DCAF17: variants seen among roughly 807,000 people sequenced by gnomAD.
DCAF17 encodes the protein DDB1 and CUL4 associated factor 17.
A neutral mutation model predicts 66.0 loss-of-function variants in DCAF17; 48 were observed. The ratio of observed to expected loss-of-function variants is 0.73; its 90% CI spans 0.58 to 0.92. The LOEUF is 0.92. DCAF17 is among the 40% of genes least tolerant of loss of function. DCAF17 has a pLI of 0.00. For missense variants in DCAF17, 562 were observed against 622.8 expected (o/e 0.90, Z 1.04); for synonymous variants, 206 against 214.6 (o/e 0.96, Z 0.35).
chr2:171,439,009 A>T (rs1032094532), intron 2 of DCAF17, among the ~76,000 whole-genome samples: 2 of 151,994 alleles, frequency 1.3e-5, no homozygotes, highest in Non-Finnish European at 2.9e-5. Flanking sequence ...GATTACAGAC[A>T]CGAGCCACCA....
chr2:171,452,100 G>T lies in DCAF17; in HGVS notation c.538-1024G>T, dbSNP rs1476111. 3.3e-5 allele frequency among the ~76,000 whole-genome samples: 5 copies of T among 151,884 alleles called. No individual in the cohort carries two copies. In the East Asian group the frequency reaches 7.7e-4, roughly 24 times the overall value. ...TAGTTCAATAAAAATTTATCCCTTT[G>T]GAAGGGAGAATCTTTTGGGCTTTAA... On this transcript the variant is annotated intron_variant, in intron 5 of 13. Coordinates refer to ENST00000375255, the MANE Select transcript of DCAF17 (RefSeq NM_025000.4).
Position 171,480,170 on chromosome 2 carries a change from C to T in DCAF17, c.1399C>T (p.Pro467Ser). Residue 467 changes from proline (P) to serine (S), a missense_variant, in exon 13 of 14, where the codon CCA becomes TCA. By Grantham distance (74) the Pro-to-Ser change is moderately conservative (BLOSUM62 -1). Transcript: ENST00000375255. ...NEYGTLLKSI[P>S]LVESWDVTYS... is the part of the protein sequence containing the mutation. ...ATATGGAACTTTACTTAAAAGCATT[C>T]CACTAGTGGAGTCATGGGATGTGGT... 2 of 1,613,542 alleles carry T rather than the reference C, an allele frequency of 1.2e-6. No individual in the cohort carries two copies. Among genetic ancestry groups the T allele is most frequent in the Non-Finnish European group, 1.7e-6 (2 of 1,179,694 alleles).
In DCAF17 at chr2:171,449,883, TTGAGC is replaced by T; in HGVS notation, c.466_470del (p.Ser156GlyfsTer10). The T allele has an allele frequency of 6.2e-7, 1 of 1,613,048 alleles. No homozygotes were observed. On this transcript the variant is annotated frameshift_variant, in exon 5 of 14. Coordinates refer to ENST00000375255, the MANE Select transcript of DCAF17 (RefSeq NM_025000.4). LOFTEE classifies it high-confidence loss of function. ...TTCTCTTCATTCTTTTAAAAGATACTTGAGCTGGGACACTCCTCAAGAAGTCATTG... is the reference window on the plus strand; with the variant it reads ...TTCTCTTCATTCTTTTAAAAGATACTTGGGACACTCCTCAAGAAGTCATTG...
At position 171,481,990 on chromosome 2, in the gene DCAF17, G is replaced by C. The variant is rs370150751; in HGVS notation, c.*876G>C. On this transcript the variant is annotated 3_prime_UTR_variant, in exon 14 of 14. Coordinates refer to ENST00000375255, the MANE Select transcript of DCAF17 (RefSeq NM_025000.4). The stretch of plus-strand genomic sequence containing the variant: ...TGTTTCCTGTAGAAAAGTGGATAAA[G>C]AGTCCCAGAAGAAGTTCTTACTAGC... 14 of 453,936 alleles carry C rather than the reference G, an allele frequency of 3.1e-5. No individual in the cohort carries two copies. In the East Asian group the frequency reaches 4.2e-4, roughly 14 times the overall value. The allele number at this position is 453,936 out of a possible 1,614,324, so 28.1% of individuals were successfully genotyped here.
intron 9 of DCAF17, among the ~76,000 whole-genome samples, chr2:171,470,618 C>CTGTGACAAGTCT (rs1696190851): frequency 6.6e-6 from 1 of 152,230 alleles, no homozygotes. Flanking sequence ...CTGTTTTCCA[C>CTGTGACAAGTCT]TGTGACAAGT....
intron 5 of DCAF17, 95 bp from the exon 6 acceptor site, chr2:171,453,029 A>G: frequency 2.5e-6 from 2 of 792,632 alleles, no homozygotes. Context: ...CTGTATAACT[A>G]CATGCTAGAA....
chr2:171,446,277 GTGGCTCACGCC>G (rs1465905725), intron 3 of DCAF17, among the ~76,000 whole-genome samples: 1 of 152,106 alleles, frequency 6.6e-6, no homozygotes, highest in Non-Finnish European at 1.5e-5. Context: ...GCCAGGTGCG[GTGGCTCACGCC>G]TGTAATCCCA....
chr2:171,459,006 G>A lies in DCAF17; in HGVS notation c.838+529G>A, dbSNP rs1218181707. ...TTCTATATTTAGCTTATGAAATTCA[G>A]TTGTTAGAAAAGAAATCAACTGGCC... On this transcript the variant is annotated intron_variant, in intron 8 of 13. Transcript: ENST00000375255. Among the ~76,000 whole-genome samples the A allele has an allele frequency of 4.6e-5, 7 of 152,240 alleles. No homozygotes were observed. The East Asian group carries it at 1.4e-3, about 29-fold the overall frequency.
chr2:171,466,022 TA>T lies in DCAF17; in HGVS notation c.839-2858del, dbSNP rs921526736. On this transcript the variant is annotated intron_variant, in intron 8 of 13. Coordinates refer to ENST00000375255, the MANE Select transcript of DCAF17 (RefSeq NM_025000.4). ...AATTTTACTTAACATGTATCTAAAT[TA>T]AAAAAAATTTTTTTATTTTTAGTAG... 5.3e-5 allele frequency among the ~76,000 whole-genome samples: 8 copies of T among 152,052 alleles called. 1 individual carries two copies. The highest frequency in any genetic ancestry group is 1.9e-4 in the African/African-American group (8 of 41,498).
intron 12 of DCAF17, chr2:171,479,704 A>G (rs1696653012): frequency 6.2e-6 from 2 of 323,372 alleles, no homozygotes; most frequent in Non-Finnish European, 1.2e-5. Context: ...CAGCAAACAC[A>G]CTTGTGAGAG....
chr2:171,476,805 C>A (rs748768583), intron 10 of DCAF17, 55 bp from the exon 11 acceptor site: 3 of 1,320,106 alleles, frequency 2.3e-6, no homozygotes, highest in East Asian at 2.3e-5. Flanking sequence ...TAAACTTTGG[C>A]ACCTTGATGG....
At position 171,483,006 on chromosome 2, in the gene DCAF17, G is replaced by A. The variant is rs1192986938; in HGVS notation, c.*1892G>A. On this transcript the variant is annotated 3_prime_UTR_variant, in exon 14 of 14. Coordinates refer to ENST00000375255, the MANE Select transcript of DCAF17 (RefSeq NM_025000.4). Reference sequence around the variant, plus strand: ...AGCTATGCCCCAACTAAAAGGAGCAGCTGCTACTGCTTAGTTTCAGCCAGT... The same window carrying A: ...AGCTATGCCCCAACTAAAAGGAGCAACTGCTACTGCTTAGTTTCAGCCAGT... 1 of 454,118 alleles carries A rather than the reference G, an allele frequency of 2.2e-6. No homozygotes were observed. The highest frequency in any genetic ancestry group is 2.0e-5 in the African/African-American group (1 of 50,130). The allele number at this position is 454,118 out of a possible 1,614,324, so 28.1% of individuals were successfully genotyped here.
chr2:171,475,904 C>T (rs1696476933), intron 10 of DCAF17, among the ~76,000 whole-genome samples: 1 of 152,204 alleles, frequency 6.6e-6, no homozygotes, highest in African/African-American at 2.4e-5. Context: ...ACATTTTAAA[C>T]TGTGGTTCCG....
intron 3 of DCAF17, among the ~76,000 whole-genome samples, chr2:171,446,276 G>A (rs926826768): frequency 3.3e-5 from 5 of 151,996 alleles, no homozygotes; most frequent in African/African-American, 9.7e-5. Flanking sequence ...GGCCAGGTGC[G>A]GTGGCTCACG....
In DCAF17 at chr2:171,481,723, G is replaced by A. The variant is rs1696754741; in HGVS notation, c.*609G>A. ...TTCCCAAATTATCTTTTCTTCCTTGGTTTTGTTCTCTTGGCTTGATGTTCA... is the reference window on the plus strand; with the variant it reads ...TTCCCAAATTATCTTTTCTTCCTTGATTTTGTTCTCTTGGCTTGATGTTCA... On this transcript the variant is annotated 3_prime_UTR_variant, in exon 14 of 14. Transcript: ENST00000375255. 1 of 453,596 alleles carries A rather than the reference G, an allele frequency of 2.2e-6. No homozygotes were observed. Among genetic ancestry groups the A allele is most frequent in the Non-Finnish European group, 4.4e-6 (1 of 226,656 alleles). 28.1% of individuals were successfully genotyped at this position (453,596 alleles called of 1,614,324 possible). A position where few individuals can be genotyped will look rare whatever the true frequency, so the allele number is the denominator to read the frequency against.
chr2:171,462,013 A>G (rs1231567550), intron 8 of DCAF17, among the ~76,000 whole-genome samples: 2 of 152,138 alleles, frequency 1.3e-5, no homozygotes, highest in East Asian at 1.9e-4. Flanking sequence ...TTTGATGTTA[A>G]TATATTATGA....
At chr2:171,446,084 A>G (rs937628490) in intron 3 of DCAF17, among the ~76,000 whole-genome samples, 6 of 152,216 alleles carry the variant, frequency 3.9e-5, no homozygotes, top group African/African-American at 1.2e-4. Flanking sequence ...TCAAGGGTTA[A>G]TAAACTTAAA....
rs950649434 is a variant in DCAF17, at chr2:171,483,274, G to C, written c.*2160G>C. On this transcript the variant is annotated 3_prime_UTR_variant, in exon 14 of 14. Coordinates refer to ENST00000375255, the MANE Select transcript of DCAF17 (RefSeq NM_025000.4). ...CTCTTTACCTGATATTTTAATTCGA[G>C]ACTCTAGCTACATGCCCACCTACTT... 2 of 453,926 alleles carry C rather than the reference G, an allele frequency of 4.4e-6. No homozygotes were observed. The highest frequency in any genetic ancestry group is 4.0e-5 in the African/African-American group (2 of 49,958). The allele number at this position is 453,926 out of a possible 1,614,324, so 28.1% of individuals were successfully genotyped here. A position where few individuals can be genotyped will look rare whatever the true frequency, so the allele number is the denominator to read the frequency against.
Position 171,481,306 on chromosome 2 carries a change from G to T in DCAF17, c.*192G>T, listed in dbSNP as rs1297844758. 5.6e-6 allele frequency: 4 copies of T among 719,824 alleles called. No homozygotes were observed. In the East Asian group the frequency reaches 1.2e-4, roughly 21 times the overall value. The allele number at this position is 719,824 out of a possible 1,614,324, so 44.6% of individuals were successfully genotyped here. On this transcript the variant is annotated 3_prime_UTR_variant, in exon 14 of 14. Coordinates refer to ENST00000375255, the MANE Select transcript of DCAF17 (RefSeq NM_025000.4). ...TGGTGAGGACTTCATTTTTTTTAAA[G>T]GTTTTTTAGAATACTGTTCCAAGAA...
Sources: allele counts gnomAD v4.1 joint callset (sites outside exome capture counted in the v4.1 genomes callset), GRCh38; gene constraint gnomAD v4.1.1; transcripts MANE v1.5; gene names NCBI Gene and HGNC (gene_info 2026-07-23, HGNC 2026-07-21).